The following UEVLD variants were observed in gnomAD, a reference collection of about 807,000 sequenced individuals.
UEVLD encodes UEV and lactate/malate dehyrogenase domains, also known as ubiquitin-conjugating enzyme E2 variant 3.
A neutral mutation model predicts 58.6 loss-of-function variants in UEVLD; 47 were observed. The ratio of observed to expected loss-of-function variants is 0.80; its 90% CI spans 0.63 to 1.02. The LOEUF is 1.02. Ranked by LOEUF, UEVLD falls within the 50% of genes least tolerant of loss-of-function variation. The pLI is 0.00. For synonymous variants in UEVLD, 197 were observed against 195.3 expected (o/e 1.01, Z -0.07); for missense variants, 510 against 550.6 (o/e 0.93, Z 0.74).
intron 3 of UEVLD, among the ~76,000 whole-genome samples, chr11:18,574,542 C>A (rs1322505531): frequency 6.6e-6 from 1 of 152,172 alleles, no homozygotes; most frequent in East Asian, 1.9e-4. Context: ...TATAAGCAAC[C>A]TCTTGTGATT....
intron 9 of UEVLD, 133 bp from the exon 10 acceptor site, chr11:18,536,602 A>AT (rs1272744415): frequency 1.4e-6 from 1 of 708,706 alleles, no homozygotes; most frequent in East Asian, 2.8e-5. Context: ...AGCAAGTTAG[A>AT]TTTTTCCACT....
intron 4 of UEVLD, among the ~76,000 whole-genome samples, chr11:18,567,939 G>A (rs2134029257): frequency 6.6e-6 from 1 of 152,208 alleles, no homozygotes; most frequent in Admixed American, 6.5e-5. Context: ...GATCCCAGGA[G>A]TTCAATACCA....
At chr11:18,588,439 C>T (rs957026794) in intron 1 of UEVLD, among the ~76,000 whole-genome samples, 174 bp downstream of exon 1, 9 of 152,124 alleles carry the variant, frequency 5.9e-5, no homozygotes, top group Admixed American at 5.9e-4. Context: ...AATCAGAATC[C>T]AGGTCCCCTC....
At chr11:18,567,422 C>T (rs1852354127) in intron 4 of UEVLD, among the ~76,000 whole-genome samples, 1 of 152,136 alleles carries the variant, frequency 6.6e-6, no homozygotes, top group Non-Finnish European at 1.5e-5. Context: ...CTTAATTTCT[C>T]AGAGTCTGAG....
intron 1 of UEVLD, 135 bp downstream of exon 1, chr11:18,588,477 CG>C: frequency 9.6e-7 from 1 of 1,037,850 alleles, no homozygotes; most frequent in Non-Finnish European, 1.4e-6. Flanking sequence ...GCCCCATAGC[CG>C]GTTTCAGACC....
chr11:18,564,526 C>T (rs1011978569), intron 6 of UEVLD, among the ~76,000 whole-genome samples: 1 of 150,348 alleles, frequency 6.7e-6, no homozygotes, highest in Middle Eastern at 3.2e-3. Flanking sequence ...TAAGAAAAGG[C>T]CATCTTTAAA....
chr11:18,536,725 G>GT, intron 9 of UEVLD: 1 of 404,854 alleles, frequency 2.5e-6, no homozygotes, highest in Non-Finnish European at 4.6e-6. Context: ...TCTCTCATCA[G>GT]TAACAGTTCT....
chr11:18,557,431 C>T (rs898170749), intron 7 of UEVLD, among the ~76,000 whole-genome samples: 9 of 152,172 alleles, frequency 5.9e-5, no homozygotes, highest in South Asian at 4.1e-4. Flanking sequence ...GGATTACAGG[C>T]GTGAGCCACC....
chr11:18,569,508 C>G (rs954851103), intron 4 of UEVLD, among the ~76,000 whole-genome samples: 85 of 152,158 alleles, frequency 5.6e-4, no homozygotes, highest in African/African-American at 2.0e-3. Flanking sequence ...ACGGAAGTAT[C>G]AAAGATATAT....
intron 1 of UEVLD, among the ~76,000 whole-genome samples, chr11:18,584,848 G>A (rs1853458321): frequency 6.6e-6 from 1 of 152,104 alleles, no homozygotes; most frequent in Non-Finnish European, 1.5e-5. Flanking sequence ...GGCCAGGCTG[G>A]TCTTGAATTC....
intron 7 of UEVLD, among the ~76,000 whole-genome samples, chr11:18,557,923 T>A (rs911415494): frequency 6.6e-5 from 10 of 152,184 alleles, no homozygotes; most frequent in Admixed American, 2.0e-4. Flanking sequence ...CAATATATTC[T>A]AAGAAAAGAG....
At position 18,544,615 on chromosome 11, in the gene UEVLD, CT is replaced by C; in HGVS notation, c.1060+7del. The C allele has an allele frequency of 6.3e-7, 1 of 1,585,076 alleles. No individual in the cohort carries two copies. ...CCACCACACCCAGCCTAAAAACGTA[CT>C]TCTTACCTTTGTCTTCTCCTTGCTC... On this transcript the variant is annotated splice_region_variant and intron_variant, in intron 9 of 11. Transcript: ENST00000396197.
In UEVLD at chr11:18,531,709, T is replaced by C. The variant is rs1850566930; in HGVS notation, c.*611A>G. The C allele has an allele frequency of 6.6e-6, 1 of 152,234 alleles. No homozygotes were observed. Among genetic ancestry groups the C allele is most frequent in the Non-Finnish European group, 1.5e-5 (1 of 68,040 alleles). 9.4% of individuals were successfully genotyped at this position (152,234 alleles called of 1,614,324 possible). A position where few individuals can be genotyped will look rare whatever the true frequency, so the allele number is the denominator to read the frequency against. ...AAGGAAGTCCCACTGGAAATTAAAGTAAACTTTTAATGCATATATTTTAAA... is the reference window on the plus strand; with the variant it reads ...AAGGAAGTCCCACTGGAAATTAAAGCAAACTTTTAATGCATATATTTTAAA... On this transcript the variant is annotated 3_prime_UTR_variant, in exon 12 of 12. Coordinates refer to ENST00000396197, the MANE Select transcript of UEVLD (RefSeq NM_001040697.4).
chr11:18,545,076 T>A (rs201656502), intron 8 of UEVLD, among the ~76,000 whole-genome samples: 913 of 34,280 alleles, frequency 0.027, 17 homozygotes, highest in African/African-American at 0.091. Flanking sequence ...ATATCTATAT[T>A]TTTTTTTTTT....
In UEVLD at chr11:18,585,373, G is replaced by A. The variant is rs138478730; in HGVS notation, c.42+3240C>T. Among the ~76,000 whole-genome samples, 268 of 152,264 alleles carry A rather than the reference G, an allele frequency of 1.8e-3. 1 individual carries two copies. The highest frequency in any genetic ancestry group is 6.8e-3 in the Middle Eastern group (2 of 292). On this transcript the variant is annotated intron_variant, in intron 1 of 11. Transcript: ENST00000396197. Reference sequence around the variant, plus strand: ...TCCACTGGAAATTTTTATGTTTGGCGTAAGGCAGGGATACAAGGTACAATT... The same window carrying A: ...TCCACTGGAAATTTTTATGTTTGGCATAAGGCAGGGATACAAGGTACAATT...
intron 7 of UEVLD, among the ~76,000 whole-genome samples, chr11:18,548,240 A>G (rs1422846613): frequency 6.6e-6 from 1 of 152,156 alleles, no homozygotes; most frequent in African/African-American, 2.4e-5. Context: ...TCTCCATTGC[A>G]CAGTGTGTTT....
chr11:18,550,726 A>T (rs1851487578), intron 7 of UEVLD, among the ~76,000 whole-genome samples: 3 of 152,140 alleles, frequency 2.0e-5, no homozygotes. Flanking sequence ...CTGTTTATAT[A>T]TTGCATGTGT....
intron 7 of UEVLD, among the ~76,000 whole-genome samples, chr11:18,548,735 T>C (rs1042866926): frequency 6.6e-6 from 1 of 152,210 alleles, no homozygotes; most frequent in African/African-American, 2.4e-5. Context: ...CTAGGCCATC[T>C]TTCTAAACAA....
chr11:18,545,879 T>C lies in UEVLD; in HGVS notation c.886+1001A>G, dbSNP rs867626752. Among the ~76,000 whole-genome samples the C allele has an allele frequency of 1.2e-4, 18 of 152,366 alleles. No individual in the cohort carries two copies. The South Asian group carries it at 2.3e-3, about 19-fold the overall frequency. ...TTGATCGAGTTTTCTTTTACATCTA[T>C]CTATCTTAAACTGAATTTCTATCTT... On this transcript the variant is annotated intron_variant, in intron 8 of 11. Coordinates refer to ENST00000396197, the MANE Select transcript of UEVLD (RefSeq NM_001040697.4).
Sources: allele counts gnomAD v4.1 joint callset (sites outside exome capture counted in the v4.1 genomes callset), GRCh38; gene constraint gnomAD v4.1.1; transcripts MANE v1.5; gene names NCBI Gene and HGNC (gene_info 2026-07-23, HGNC 2026-07-21).